The following GNA15 variants were observed in gnomAD, a reference collection of about 807,000 sequenced individuals.
GNA15 encodes G protein subunit alpha 15.
GNA15 carries 23 observed loss-of-function variants against 40.1 expected under a neutral mutation model. The ratio of observed to expected loss-of-function variants is 0.57; its 90% CI spans 0.41 to 0.81. The LOEUF is 0.81. Ranked by LOEUF, GNA15 falls within the 40% of genes least tolerant of loss-of-function variation. The pLI is 0.00. For missense variants in GNA15, 522 were observed against 515.8 expected (o/e 1.01, Z -0.12); for synonymous variants, 226 against 210.4 (o/e 1.07, Z -0.64).
At chr19:3,144,184 G>A (rs920533813) in intron 1 of GNA15, among the ~76,000 whole-genome samples, 10 of 151,458 alleles carry the variant, frequency 6.6e-5, no homozygotes, top group Non-Finnish European at 1.3e-4. Flanking sequence ...ACAGATGGTG[G>A]GACTCCAGCT....
chr19:3,152,212 G>A (rs1413015338), intron 4 of GNA15, among the ~76,000 whole-genome samples: 2 of 152,126 alleles, frequency 1.3e-5, no homozygotes, highest in Non-Finnish European at 1.5e-5. Context: ...GAGCTCAGAG[G>A]TGATCCCTGT....
chr19:3,139,401 A>G (rs1264091825), intron 1 of GNA15, among the ~76,000 whole-genome samples: 1 of 151,774 alleles, frequency 6.6e-6, no homozygotes, highest in African/African-American at 2.4e-5. Flanking sequence ...AGCCTGGGCA[A>G]CTTAGCAAGA....
Position 3,148,867 on chromosome 19 carries a change from T to TCAGGGCAGGGCAGGG in GNA15, c.330+107_330+121dup, listed in dbSNP as rs201896289. 12 of 1,200,300 alleles carry TCAGGGCAGGGCAGGG rather than the reference T, an allele frequency of 1.0e-5. No homozygotes were observed. In the Admixed American group the frequency reaches 1.2e-4, roughly 12 times the overall value. 74.4% of individuals were successfully genotyped at this position (1,200,300 alleles called of 1,614,324 possible). A position where few individuals can be genotyped will look rare whatever the true frequency, so the allele number is the denominator to read the frequency against. On this transcript the variant is annotated intron_variant, in intron 2 of 6. Transcript: ENST00000262958. The stretch of plus-strand genomic sequence containing the variant: ...GGAGCAGGGCCAAGTTCCCCAGACT[T>TCAGGGCAGGGCAGGG]CAGGGCAGGGCAGGGCAGGGCAGGG...
At chr19:3,156,470 A>ATG (rs1568298781) in intron 5 of GNA15, among the ~76,000 whole-genome samples, 1 of 123,522 alleles carries the variant, frequency 8.1e-6, no homozygotes, top group Non-Finnish European at 1.8e-5. Flanking sequence ...ACACACAGGC[A>ATG]CACACACGCA....
Position 3,136,617 on chromosome 19 carries a change from G to T in GNA15, c.145+22G>T, listed in dbSNP as rs752976720. On this transcript the variant is annotated intron_variant, in intron 1 of 6. Transcript: ENST00000262958. The surrounding 1 kb of genome is among the most constrained non-coding windows in gnomAD (Gnocchi z 4.9). ...TTGGGTGAGTCCAGGGTCGGTGGGC[G>T]GTGGGTGGTGGGCAGTGGGCGGTGG... 1.9e-6 allele frequency: 3 copies of T among 1,544,390 alleles called. No individual in the cohort carries two copies. The highest frequency in any genetic ancestry group is 1.8e-6 in the Non-Finnish European group (2 of 1,142,818).
chr19:3,138,489 G>T (rs11880040), intron 1 of GNA15, among the ~76,000 whole-genome samples: 42,613 of 152,112 alleles, frequency 0.28, 6,138 homozygotes, highest in Non-Finnish European at 0.32. Context: ...TGATCATCCC[G>T]TGATGGTTGC....
chr19:3,138,502 T>G (rs1914503468), intron 1 of GNA15, among the ~76,000 whole-genome samples: 1 of 152,224 alleles, frequency 6.6e-6, no homozygotes, highest in Non-Finnish European at 1.5e-5. Flanking sequence ...ATGGTTGCTA[T>G]CGTCCTTTCC....
At chr19:3,147,002 C>G (rs938222004) in intron 1 of GNA15, among the ~76,000 whole-genome samples, 2 of 152,102 alleles carry the variant, frequency 1.3e-5, no homozygotes, top group African/African-American at 4.8e-5. Context: ...GGCCTTTGCA[C>G]AAGCTGTTAC....
chr19:3,139,717 A>G (rs644193), intron 1 of GNA15, among the ~76,000 whole-genome samples: 136,736 of 151,600 alleles, frequency 0.9, 61,738 homozygotes, highest in African/African-American at 0.92. Context: ...GGCTAACACG[A>G]TGAAACCCCG....
rs1349909924 is a variant in GNA15 at position 3,155,857 on chromosome 19, A to T, written c.649A>T (p.Lys217Ter). Residue 217 changes from lysine to a stop codon, truncating the protein, a stop_gained, in exon 5 of 7, where the codon AAG becomes TAG. Transcript: ENST00000262958. LOFTEE classifies it high-confidence loss of function. The surrounding 1 kb of genome is among the most constrained non-coding windows in gnomAD (Gnocchi z 5.6). ...VDVGGQKSER[K>*]KWIHCFENVI... ...CGTCGGGGGCCAGAAGTCAGAGCGT[A>T]AGAAATGGATCCATTGTTTCGAGAA... 1.2e-6 allele frequency: 2 copies of T among 1,613,988 alleles called. No individual in the cohort carries two copies. Among genetic ancestry groups the T allele is most frequent in the Non-Finnish European group, 1.7e-6 (2 of 1,179,986 alleles).
In GNA15 at chr19:3,151,643, T is replaced by A; in HGVS notation, c.486-64T>A. ...AGCAGGGTCCTTGCTGGGCCTTTCG[T>A]AGGGCCTGGGAAGCAAAGGGAGGCT... On this transcript the variant is annotated intron_variant, in intron 3 of 6. Coordinates refer to ENST00000262958, the MANE Select transcript of GNA15 (RefSeq NM_002068.4). The surrounding 1 kb of genome is among the most constrained non-coding windows in gnomAD (Gnocchi z 5.0). 6.8e-7 allele frequency: 1 copy of A among 1,478,900 alleles called. No individual in the cohort carries two copies. The highest frequency in any genetic ancestry group is 9.0e-7 in the Non-Finnish European group (1 of 1,112,434). The allele number at this position is 1,478,900 out of a possible 1,614,324, so 91.6% of individuals were successfully genotyped here.
At chr19:3,144,493 G>A (rs572410854) in intron 1 of GNA15, among the ~76,000 whole-genome samples, 2 of 152,044 alleles carry the variant, frequency 1.3e-5, no homozygotes, top group East Asian at 1.9e-4. Flanking sequence ...GGATGTTGTC[G>A]TTTGAGTAGT....
chr19:3,162,987 G>A lies in GNA15; in HGVS notation c.1093G>A (p.Ala365Thr), dbSNP rs1433555721. 1 of 1,613,800 alleles carries A rather than the reference G, an allele frequency of 6.2e-7. No homozygotes were observed. The change falls in exon 7 of 7, where the codon GCC becomes ACC. Residue 365 changes from alanine (A) to threonine (T), a missense_variant. Transcript: ENST00000262958. ...CAAGGACGTGCGGGACTCGGTGCTC[G>A]CCCGCTACCTGGACGAGATCAACCT... ...VFKDVRDSVLARYLDEINLL is the reference protein window; with the variant it reads ...VFKDVRDSVLTRYLDEINLL
chr19:3,156,419 GAACACACACATGCA>G (rs1298307203), intron 5 of GNA15, among the ~76,000 whole-genome samples: 1 of 118,952 alleles, frequency 8.4e-6, no homozygotes, highest in African/African-American at 3.7e-5. Flanking sequence ...GCACACACAT[GAACACACACATGCA>G]CACACACAGT....
chr19:3,149,943 G>A (rs1914836765), intron 2 of GNA15, 188 bp from the exon 3 acceptor site: 1 of 551,462 alleles, frequency 1.8e-6, no homozygotes. Context: ...TTTCCCTCTG[G>A]GGATCCATGC....
Position 3,145,336 on chromosome 19 carries a change from AATAT to A in GNA15, c.146-3234_146-3231del, listed in dbSNP as rs1191752115. Among the ~76,000 whole-genome samples the A allele has an allele frequency of 1.2e-4, 7 of 60,210 alleles. No homozygotes were observed. In the East Asian group the frequency reaches 1.8e-3, roughly 16 times the overall value. 39.5% of individuals were successfully genotyped at this position (60,210 alleles called of 152,430 possible). A position where few individuals can be genotyped will look rare whatever the true frequency, so the allele number is the denominator to read the frequency against. On this transcript the variant is annotated intron_variant, in intron 1 of 6. Coordinates refer to ENST00000262958, the MANE Select transcript of GNA15 (RefSeq NM_002068.4). ...CAGTGTGCACCACTACGTCTGACTA[AATAT>A]ATATATATATATATATATATTTTTT... is the stretch of plus-strand genomic sequence containing the variant.
At position 3,163,093 on chromosome 19, in the gene GNA15, T is replaced by A. The variant is rs1915178371; in HGVS notation, c.*74T>A. 6.4e-6 allele frequency: 6 copies of A among 930,362 alleles called. No individual in the cohort carries two copies. The highest frequency in any genetic ancestry group is 5.5e-5 in the Admixed American group (3 of 54,908). 57.6% of individuals were successfully genotyped at this position (930,362 alleles called of 1,614,324 possible). On this transcript the variant is annotated 3_prime_UTR_variant, in exon 7 of 7. Transcript: ENST00000262958. Reference sequence around the variant, plus strand: ...GGAGTGGCTGCAGGGACCCCTAGTGTCCCTGGTCTATCTCTCCAGCCTCGG... The same window carrying A: ...GGAGTGGCTGCAGGGACCCCTAGTGACCCTGGTCTATCTCTCCAGCCTCGG...
Position 3,163,320 on chromosome 19 carries a change from G to A in GNA15, c.*301G>A. 2.3e-6 allele frequency: 1 copy of A among 429,632 alleles called. No individual in the cohort carries two copies. Among genetic ancestry groups the A allele is most frequent in the Non-Finnish European group, 4.3e-6 (1 of 231,788 alleles). 26.6% of individuals were successfully genotyped at this position (429,632 alleles called of 1,614,324 possible). On this transcript the variant is annotated 3_prime_UTR_variant, in exon 7 of 7. Coordinates refer to ENST00000262958, the MANE Select transcript of GNA15 (RefSeq NM_002068.4). ...AGAAATCAGGGGATTGAGGACTTGG[G>A]TGGGTGGGCATCTCTCAGGAGCCCC...
intron 4 of GNA15, among the ~76,000 whole-genome samples, chr19:3,154,470 T>A (rs1599328236): frequency 7.2e-6 from 1 of 139,664 alleles, no homozygotes; most frequent in Middle Eastern, 5.5e-3. Flanking sequence ...GGTAGCTGGG[T>A]AATGGGTGGA....
Sources: gnomAD v4.1 joint callset for allele counts (sites outside exome capture counted in the v4.1 genomes callset) on GRCh38, gnomAD v4.1.1 for gene constraint, Gnocchi (gnomAD v3.1) non-coding constraint, MANE v1.5 for transcripts, NCBI Gene and HGNC (gene_info 2026-07-23, HGNC 2026-07-21) for gene names.